The following SPADH variants were observed in gnomAD, a reference collection of about 807,000 sequenced individuals.
SPADH encodes CUB domain-containing protein.
At chr10:122,672,915 C>T in the SPADH span, 1 of 985,466 alleles carries the variant, frequency 1.0e-6, no homozygotes, top group Non-Finnish European at 1.2e-6. Flanking sequence ...TTGGCCGCTG[C>T]TGTGCAGTAT....
the SPADH span, chr10:122,675,783 G>C: frequency 3.2e-4 from 87 of 273,254 alleles, no homozygotes; most frequent in Admixed American, 5.2e-4. Context: ...GATAATTCTT[G>C]TCCAAAAGGA....
At chr10:122,678,492 G>A in the SPADH span, among the ~76,000 whole-genome samples, 1 of 152,168 alleles carries the variant, frequency 6.6e-6, no homozygotes, top group Non-Finnish European at 1.5e-5. Context: ...CACTCTGCTG[G>A]CTGCATTCCC....
At chr10:122,675,213 T>C in the SPADH span, among the ~76,000 whole-genome samples, 2 of 152,150 alleles carry the variant, frequency 1.3e-5, no homozygotes, top group Admixed American at 6.5e-5. Context: ...TGACTTTTAT[T>C]TTTTCCCAGG....
chr10:122,675,382 G>A, the SPADH span, among the ~76,000 whole-genome samples: 1 of 152,178 alleles, frequency 6.6e-6, no homozygotes, highest in African/African-American at 2.4e-5. Context: ...AATGCTGTGA[G>A]TGAGCTAGTT....
chr10:122,679,079 A>G, the SPADH span: 1 of 909,384 alleles, frequency 1.1e-6, no homozygotes, highest in Non-Finnish European at 1.3e-6. Context: ...GCACCTGCTG[A>G]TGCTCCCCTG....
At chr10:122,676,647 G>T in the SPADH span, 2 of 846,984 alleles carry the variant, frequency 2.4e-6, no homozygotes, top group African/African-American at 1.8e-5. Flanking sequence ...TCTTCCCAAG[G>T]ATGGGAAGTT....
the SPADH span, among the ~76,000 whole-genome samples, chr10:122,676,218 A>G: frequency 6.6e-6 from 1 of 152,232 alleles, no homozygotes; most frequent in East Asian, 1.9e-4. Flanking sequence ...TGCTGGGCAC[A>G]AGCTAAGTGC....
the SPADH span, among the ~76,000 whole-genome samples, chr10:122,673,853 G>A: frequency 1.3e-5 from 2 of 152,084 alleles, no homozygotes; most frequent in Non-Finnish European, 2.9e-5. Context: ...CCCCATCACC[G>A]GGTGCTCTCC....
At chr10:122,672,898 C>T in the SPADH span, 2 of 985,472 alleles carry the variant, frequency 2.0e-6, no homozygotes, top group Non-Finnish European at 2.4e-6. Context: ...CTGTCCAGAG[C>T]CTTCGCTTGG....
the SPADH span, chr10:122,678,822 A>G: frequency 1.2e-5 from 11 of 901,746 alleles, no homozygotes; most frequent in Non-Finnish European, 1.3e-5. Context: ...CCAAATGCTG[A>G]TGGTTGCCTT....
chr10:122,675,410 T>C, the SPADH span, among the ~76,000 whole-genome samples: 93 of 152,294 alleles, frequency 6.1e-4, no homozygotes, highest in African/African-American at 2.1e-3. Flanking sequence ...TTGTGAGTGC[T>C]GAGAGCCGAT....
the SPADH span, among the ~76,000 whole-genome samples, chr10:122,676,323 A>G: frequency 6.6e-6 from 1 of 152,204 alleles, no homozygotes; most frequent in Non-Finnish European, 1.5e-5. Context: ...AACCTCAAGG[A>G]GATGGATTCT....
At chr10:122,678,691 G>A in the SPADH span, among the ~76,000 whole-genome samples, 76 of 152,146 alleles carry the variant, frequency 5.0e-4, no homozygotes, top group African/African-American at 1.8e-3. Flanking sequence ...CGTTATTGAA[G>A]AACTGACAAA....
the SPADH span, among the ~76,000 whole-genome samples, chr10:122,677,078 T>C: frequency 6.6e-6 from 1 of 152,216 alleles, no homozygotes; most frequent in African/African-American, 2.4e-5. Flanking sequence ...GTTGATTTTC[T>C]TGTCATGCCT....
the SPADH span, chr10:122,672,969 G>A: frequency 1.1e-4 from 104 of 979,248 alleles, no homozygotes; most frequent in Non-Finnish European, 1.2e-4. Context: ...GCCTCGCACT[G>A]TTTTCCTTTT....
At chr10:122,675,706 G>A in the SPADH span, 6 of 929,002 alleles carry the variant, frequency 6.5e-6, no homozygotes, top group Non-Finnish European at 7.7e-6. Context: ...TCTTTCCCTT[G>A]CCTCACACAG....
the SPADH span, among the ~76,000 whole-genome samples, chr10:122,676,090 G>C: frequency 2.3e-4 from 35 of 152,340 alleles, no homozygotes; most frequent in African/African-American, 7.9e-4. Flanking sequence ...CCAGGGTGCA[G>C]TTCTTCCCTC....
the SPADH span, among the ~76,000 whole-genome samples, chr10:122,676,290 T>A: frequency 6.6e-6 from 1 of 152,220 alleles, no homozygotes; most frequent in Non-Finnish European, 1.5e-5. Context: ...TCAGTCACAC[T>A]TTCGGAGCCT....
chr10:122,676,779 T>C, the SPADH span: 3 of 985,248 alleles, frequency 3.0e-6, no homozygotes, highest in Non-Finnish European at 3.6e-6. Context: ...TGGGGGCCAC[T>C]ACACAGATGA....
Sources: gnomAD v4.1 joint callset for allele counts (sites outside exome capture counted in the v4.1 genomes callset) on GRCh38, gnomAD v4.1.1 for gene constraint, MANE v1.5 for transcripts, NCBI Gene and HGNC (gene_info 2026-07-23, HGNC 2026-07-21) for gene names.